Variants in ZNF117 observed in about 807,000 individuals in gnomAD.
The protein encoded by ZNF117 is zinc finger protein 117.
A neutral mutation model predicts 41.2 loss-of-function variants in ZNF117; 37 were observed. The ratio of observed to expected loss-of-function variants is 0.90; its 90% CI spans 0.69 to 1.18. The LOEUF (loss-of-function observed/expected upper bound fraction) is 1.18, where lower values mean the gene tolerates loss of function less well. Among genes scored for constraint, ZNF117 ranks in the 50% most tolerant of loss-of-function variants. ZNF117 has a pLI of 0.00. For synonymous variants in ZNF117, 186 were observed against 186.6 expected, an observed-to-expected ratio of 1.00 and a Z score of 0.02; for missense variants, 546 against 557.5, an observed-to-expected ratio of 0.98 and a Z score of 0.21.
At chr7:64,982,343 T>G (rs1786049078), upstream of ZNF117, among the ~76,000 whole-genome samples, 1 of 152,198 alleles carries the variant, frequency 6.6e-6, no homozygotes, top group Non-Finnish European at 1.5e-5. Context: ...ACAACATCTG[T>G]GTATATATGG....
At chr7:64,977,216 T>C (rs1785911897) in exon 3 of ZNF117, 1 of 425,434 alleles carries the variant, frequency 2.4e-6, no homozygotes, top group Non-Finnish European at 4.7e-6. Flanking sequence ...CCTTGTCACA[T>C]TCTTCACATT....
rs765010094 is a variant in ZNF117 at position 64,978,618 on chromosome 7, G to C, written c.953C>G (p.Ser318Ter). ...AATTTTTTTATGGTCAGTAAGATTT[G>C]AAAATTGTTTAAAAGCTTTGCCACA... Residue 318 changes from serine to a stop codon, truncating the protein, a stop_gained, in exon 3 of 3, where the codon TCA becomes TGA. Coordinates refer to ENST00000620222, the Ensembl canonical transcript of ZNF117. LOFTEE classifies it high-confidence loss of function. 2.0e-5 allele frequency: 32 copies of C among 1,612,370 alleles called. No individual in the cohort carries two copies. In the Middle Eastern group the frequency reaches 6.6e-4, roughly 33 times the overall value.
upstream of ZNF117, among the ~76,000 whole-genome samples, chr7:64,986,318 A>C (rs62456471): frequency 0.036 from 5,553 of 152,286 alleles, 160 homozygotes; most frequent in East Asian, 0.14. Flanking sequence ...AGGAGAAAGA[A>C]TGAGATACTG....
At chr7:64,975,215 C>T (rs1785856153) in exon 3 of ZNF117, 1 of 151,056 alleles carries the variant, frequency 6.6e-6, no homozygotes, top group South Asian at 2.1e-4. Flanking sequence ...TTGGTCTTAA[C>T]ATGTTAAAAA....
upstream of ZNF117, among the ~76,000 whole-genome samples, chr7:64,982,682 C>T (rs1160693161): frequency 6.6e-6 from 1 of 152,066 alleles, no homozygotes; most frequent in Non-Finnish European, 1.5e-5. Flanking sequence ...TTTTTCTGGC[C>T]TGTAAAAAGG....
chr7:64,972,670 G>A (rs749272079), downstream of ZNF117: 9 of 151,928 alleles, frequency 5.9e-5, no homozygotes, highest in Non-Finnish European at 8.8e-5. Context: ...GAAGATGTTG[G>A]TCAAAGAATA....
At chr7:64,981,963 G>A (rs1274586809) in intron 1 of ZNF117, 21 bp downstream of exon 2, 4 of 561,074 alleles carry the variant, frequency 7.1e-6, no homozygotes, top group African/African-American at 4.0e-5. Context: ...GGGTATATTA[G>A]AAAATGTGTA....
At chr7:64,980,886 T>A (rs1786008494) in intron 2 of ZNF117, 1 of 154,286 alleles carries the variant, frequency 6.5e-6, no homozygotes, top group South Asian at 2.0e-4. Flanking sequence ...AAAGGTATAT[T>A]GGCACTGCAT....
chr7:64,987,092 A>G (rs1462475134), upstream of ZNF117, among the ~76,000 whole-genome samples: 1 of 152,140 alleles, frequency 6.6e-6, no homozygotes, highest in Non-Finnish European at 1.5e-5. Context: ...AATTATACCA[A>G]CCACACACTC....
At chr7:64,974,269 A>T (rs975577520), downstream of ZNF117, 1 of 151,864 alleles carries the variant, frequency 6.6e-6, no homozygotes, top group Admixed American at 6.6e-5. Flanking sequence ...TGAACAGCTC[A>T]CATAATACCT....
At chr7:64,987,359 T>C (rs1046793411) in intron 1 of ZNF117, among the ~76,000 whole-genome samples, 1 of 152,072 alleles carries the variant, frequency 6.6e-6, no homozygotes, top group African/African-American at 2.4e-5. Flanking sequence ...AGATCTCAAT[T>C]TAACAATGTA....
intron 1 of ZNF117, among the ~76,000 whole-genome samples, chr7:64,987,828 GAA>G (rs71061345): frequency 0.011 from 1,469 of 136,692 alleles, 18 homozygotes; most frequent in African/African-American, 0.031. Context: ...CCACAAAAAG[GAA>G]AAAAAAAAAA....
intron 1 of ZNF117, among the ~76,000 whole-genome samples, chr7:64,987,535 T>C (rs1562648282): frequency 6.6e-6 from 1 of 151,886 alleles, no homozygotes; most frequent in Non-Finnish European, 1.5e-5. Flanking sequence ...ATAAGCTAAA[T>C]AAACCACGAG....
exon 3 of ZNF117, chr7:64,978,967 A>G (rs1287336944): frequency 6.2e-7 from 1 of 1,613,534 alleles, no homozygotes; most frequent in South Asian, 1.1e-5. Context: ...GACTGGTTAA[A>G]GGCTTTGCCA....
exon 3 of ZNF117, chr7:64,978,907 T>G: frequency 6.2e-7 from 1 of 1,613,628 alleles, no homozygotes; most frequent in African/African-American, 1.3e-5. Flanking sequence ...TTCTCACATT[T>G]GTAGGGAATT....
At chr7:64,989,481 A>ATATATG (rs1786211947) in intron 1 of ZNF117, among the ~76,000 whole-genome samples, 2 of 93,830 alleles carry the variant, frequency 2.1e-5, no homozygotes, top group South Asian at 6.4e-4. Context: ...ATATATATAT[A>ATATATG]TATATATATA....
exon 3 of ZNF117, chr7:64,975,116 G>C (rs1433183081): frequency 6.6e-6 from 1 of 151,880 alleles, no homozygotes. Context: ...TTATTAAATA[G>C]TACATTGTTA....
exon 3 of ZNF117, chr7:64,974,769 A>G (rs1002746425): frequency 8.6e-5 from 13 of 152,036 alleles, no homozygotes; most frequent in African/African-American, 2.9e-4. Flanking sequence ...TTTTTATTAT[A>G]CCCATGAAAA....
At chr7:64,978,240 G>A (rs777629291) in exon 3 of ZNF117, 6 of 1,611,574 alleles carry the variant, frequency 3.7e-6, no homozygotes, top group Middle Eastern at 1.7e-4. Flanking sequence ...ACATTTGTAG[G>A]GTTTCTCTCC....
Sources: gnomAD v4.1 joint callset for allele counts (sites outside exome capture counted in the v4.1 genomes callset) on GRCh38, gnomAD v4.1.1 for gene constraint, MANE v1.5 for transcripts, NCBI Gene and HGNC (gene_info 2026-07-23, HGNC 2026-07-21) for gene names.